Variants in GVQW3 observed in about 807,000 individuals in gnomAD.
GVQW3 encodes the protein protein GVQW3.
In GVQW3, 7 loss-of-function variants were observed where a neutral mutation model predicts 12.5. The ratio of observed to expected loss-of-function variants is 0.56; its 90% CI spans 0.32 to 1.05. The LOEUF (loss-of-function observed/expected upper bound fraction) is 1.05, where lower values mean the gene tolerates loss of function less well. Ranked by LOEUF, GVQW3 falls within the 50% of genes least tolerant of loss-of-function variation. GVQW3 has a pLI of 0.04. For synonymous variants in GVQW3, 71 were observed against 67.2 expected (o/e 1.06, Z -0.28); for missense variants, 188 against 190.8 (o/e 0.99, Z 0.09).
intron 1 of GVQW3, among the ~76,000 whole-genome samples, chr11:76,388,042 G>T (rs1415523806): frequency 1.3e-5 from 2 of 152,192 alleles, no homozygotes; most frequent in Non-Finnish European, 2.9e-5. Context: ...TAAATTTTGT[G>T]CTGTTTTTGA....
chr11:76,383,781 A>ACCCC (rs879321977), intron 1 of GVQW3: 34,934 of 150,800 alleles, frequency 0.23, 4,164 homozygotes, highest in African/African-American at 0.27. Flanking sequence ...CTGTCCCAAA[A>ACCCC]AAAAAAAAAA....
intron 1 of GVQW3, among the ~76,000 whole-genome samples, chr11:76,386,531 GTAC>G (rs1393707325): frequency 6.6e-6 from 1 of 152,176 alleles, no homozygotes; most frequent in East Asian, 1.9e-4. Context: ...AAGGAATGGG[GTAC>G]TATTGGGGAA....
chr11:76,389,743 A>G (rs1946873589), intron 1 of GVQW3: 1 of 152,210 alleles, frequency 6.6e-6, no homozygotes, highest in African/African-American at 2.4e-5. Context: ...GGATTTTATA[A>G]TAGCTGATTC....
At chr11:76,402,932 A>ATTTG (rs1171701552) in intron 1 of GVQW3, among the ~76,000 whole-genome samples, 1 of 149,694 alleles carries the variant, frequency 6.7e-6, no homozygotes, top group Non-Finnish European at 1.5e-5. Flanking sequence ...ACATTTATTA[A>ATTTG]TTTGTTTGTT....
At chr11:76,411,515 AG>A (rs1947079598), downstream of GVQW3, 1 of 152,278 alleles carries the variant, frequency 6.6e-6, no homozygotes, top group Admixed American at 6.5e-5. Context: ...TGATGGAGAA[AG>A]CAGGGTCTCT....
intron 1 of GVQW3, among the ~76,000 whole-genome samples, chr11:76,396,391 T>G (rs2134552845): frequency 6.6e-6 from 1 of 152,190 alleles, no homozygotes; most frequent in Admixed American, 6.5e-5. Flanking sequence ...CTCAGCTCAC[T>G]GCAAACTACG....
downstream of GVQW3, among the ~76,000 whole-genome samples, chr11:76,409,437 C>G (rs573934777): frequency 7.0e-4 from 107 of 152,300 alleles, 2 homozygotes; most frequent in South Asian, 0.018. Context: ...CCTGTTTGCT[C>G]TAGGAACAAA....
intron 1 of GVQW3, among the ~76,000 whole-genome samples, chr11:76,390,632 G>A (rs111652793): frequency 0.027 from 4,146 of 152,192 alleles, 173 homozygotes; most frequent in African/African-American, 0.093. Flanking sequence ...TCAGGAGATC[G>A]AGACCACGGT....
chr11:76,396,285 G>A (rs2134552715), intron 1 of GVQW3, among the ~76,000 whole-genome samples: 1 of 151,658 alleles, frequency 6.6e-6, no homozygotes, highest in South Asian at 2.1e-4. Flanking sequence ...TAACATTTCT[G>A]TGCTGCTATT....
intron 1 of GVQW3, among the ~76,000 whole-genome samples, chr11:76,388,875 A>G (rs1232415362): frequency 2.0e-5 from 3 of 152,170 alleles, no homozygotes; most frequent in African/African-American, 4.8e-5. Context: ...ACAGATCTAT[A>G]TTGGCAGAAA....
At chr11:76,395,547 A>G (rs1172723954) in intron 1 of GVQW3, among the ~76,000 whole-genome samples, 1 of 152,184 alleles carries the variant, frequency 6.6e-6, no homozygotes, top group Admixed American at 6.5e-5. Flanking sequence ...AATATGCTCC[A>G]AGATTATCTT....
intron 1 of GVQW3, chr11:76,383,592 A>G (rs1288532079): frequency 6.6e-6 from 1 of 152,324 alleles, no homozygotes; most frequent in Non-Finnish European, 1.5e-5. Flanking sequence ...CATCCTGGCC[A>G]ACATGGTGAA....
intron 1 of GVQW3, among the ~76,000 whole-genome samples, chr11:76,401,362 A>G (rs1032827654): frequency 6.6e-6 from 1 of 151,794 alleles, no homozygotes; most frequent in Non-Finnish European, 1.5e-5. Flanking sequence ...TTTTTCTAAT[A>G]AATTTGTCAA....
chr11:76,414,114 A>C (rs557838113), exon 2 of GVQW3: 1 of 152,156 alleles, frequency 6.6e-6, no homozygotes, highest in East Asian at 1.9e-4. Flanking sequence ...TTCTCTTAAC[A>C]TGGCTCCTGA....
chr11:76,410,074 G>A (rs1420484038), downstream of GVQW3, among the ~76,000 whole-genome samples: 1 of 152,050 alleles, frequency 6.6e-6, no homozygotes, highest in African/African-American at 2.4e-5. Flanking sequence ...CTGGGCAACA[G>A]AGTAAGACCC....
rs35323169 is a variant in GVQW3 at position 76,393,888 on chromosome 11, G to GTTA, written c.466-9748_466-9746dup. Among the ~76,000 whole-genome samples, 569 of 150,610 alleles carry GTTA rather than the reference G, an allele frequency of 3.8e-3. 2 individuals carry two copies. Among genetic ancestry groups the GTTA allele is most frequent in the Middle Eastern group, 0.014 (4 of 290 alleles). On this transcript the variant is annotated intron_variant, in intron 1 of 1. Coordinates refer to ENST00000529331, the MANE Select transcript of GVQW3 (RefSeq NM_001347885.2). ...TACAAACAATCCAGTTATACTCTTA[G>GTTA]TTATTATTATTATTATTATTATTAT...
chr11:76,382,691 A>AGAC (rs1946789173), intron 1 of GVQW3: 1 of 470,674 alleles, frequency 2.1e-6, no homozygotes, highest in Admixed American at 3.9e-5. Context: ...CTTTTGCTCA[A>AGAC]CAAGTTTGGA....
chr11:76,384,250 T>C (rs1304909689), intron 1 of GVQW3, among the ~76,000 whole-genome samples: 1 of 152,248 alleles, frequency 6.6e-6, no homozygotes, highest in Non-Finnish European at 1.5e-5. Context: ...TCATCACAGT[T>C]ACTTTTAGTG....
At chr11:76,413,804 C>A (rs1947097773) in exon 2 of GVQW3, 1 of 151,220 alleles carries the variant, frequency 6.6e-6, no homozygotes, top group Admixed American at 6.6e-5. Context: ...TCTGATGAAA[C>A]TTTTGTTTTT....
Sources: allele counts gnomAD v4.1 joint callset (sites outside exome capture counted in the v4.1 genomes callset), GRCh38; gene constraint gnomAD v4.1.1; transcripts MANE v1.5; gene names NCBI Gene and HGNC (gene_info 2026-07-23, HGNC 2026-07-21).